The following ADCY8 variants were observed in gnomAD, a reference collection of about 807,000 sequenced individuals.
ADCY8 encodes the protein adenylate cyclase type 8.
In ADCY8, 51 loss-of-function variants were observed where a neutral mutation model predicts 119.7. That is an observed-to-expected ratio of 0.43 (90% CI 0.34 to 0.54). ADCY8 has a LOEUF of 0.54. ADCY8 is among the 20% of genes least tolerant of loss of function. The probability of loss-of-function intolerance (pLI) is 0.03; values close to 1 mark genes in which losing one functional copy is unlikely to be tolerated. For synonymous variants in ADCY8, 665 were observed against 651.0 expected, an observed-to-expected ratio of 1.02 and a Z score of -0.33; for missense variants, 1,383 against 1,598.8, an observed-to-expected ratio of 0.87 and a Z score of 2.30.
At chr8:130,819,787 G>T (rs955447114) in intron 13 of ADCY8, among the ~76,000 whole-genome samples, 2 of 152,196 alleles carry the variant, frequency 1.3e-5, no homozygotes, top group Non-Finnish European at 2.9e-5. Flanking sequence ...CCTAAAAACA[G>T]GAATTCTAGA....
At chr8:130,795,009 A>T (rs967984533) in intron 15 of ADCY8, among the ~76,000 whole-genome samples, 3 of 152,186 alleles carry the variant, frequency 2.0e-5, no homozygotes, top group Admixed American at 2.0e-4. Context: ...AGATCACCTA[A>T]GGTCAGGAGT....
intron 7 of ADCY8, among the ~76,000 whole-genome samples, chr8:130,890,875 T>C (rs1445821914): frequency 6.6e-6 from 1 of 152,192 alleles, no homozygotes; most frequent in Non-Finnish European, 1.5e-5. Context: ...ACAAGGCAGA[T>C]GTGGTAGTCT....
intron 4 of ADCY8, 111 bp downstream of exon 4, chr8:130,943,240 A>T: frequency 2.7e-6 from 2 of 738,514 alleles, no homozygotes; most frequent in South Asian, 1.7e-5. Flanking sequence ...TAGGGACAGG[A>T]TGCAGAATGG....
At chr8:130,811,344 A>T (rs188458097) in intron 14 of ADCY8, among the ~76,000 whole-genome samples, 187 of 152,234 alleles carry the variant, frequency 1.2e-3, no homozygotes, top group African/African-American at 4.2e-3. Context: ...CACAAACCCC[A>T]ATGCTTTTAG....
Position 130,903,977 on chromosome 8 carries a change from T to C in ADCY8, c.1706A>G (p.His569Arg). The C allele has an allele frequency of 6.2e-7, 1 of 1,614,162 alleles. No homozygotes were observed. Among genetic ancestry groups the C allele is most frequent in the South Asian group, 1.1e-5 (1 of 91,078 alleles). Residue 569 changes from histidine (H) to arginine (R), a missense_variant, in exon 7 of 18, where the codon CAT (histidine) becomes CGT (arginine). Coordinates refer to ENST00000286355, the MANE Select transcript of ADCY8 (RefSeq NM_001115.3). ...CAGGAATTCATTCCTCTCTTTACCA[T>C]GGCCCTCTTCCACGTTATAGTCACC... Reference protein sequence around the residue: ...LNGDYNVEEGHGKERNEFLRK... With the variant: ...LNGDYNVEEGRGKERNEFLRK...
At chr8:130,890,931 C>T (rs569941117) in intron 7 of ADCY8, among the ~76,000 whole-genome samples, 7 of 152,254 alleles carry the variant, frequency 4.6e-5, no homozygotes, top group African/African-American at 1.7e-4. Context: ...ACAGTGTGGG[C>T]CAACTCATTG....
At chr8:130,994,607 G>A (rs1380807182) in intron 1 of ADCY8, among the ~76,000 whole-genome samples, 1 of 152,152 alleles carries the variant, frequency 6.6e-6, no homozygotes, top group Non-Finnish European at 1.5e-5. Flanking sequence ...ATAAACAACT[G>A]TGAGGAATCA....
At chr8:130,981,066 G>A (rs902460126) in intron 2 of ADCY8, among the ~76,000 whole-genome samples, 4 of 152,018 alleles carry the variant, frequency 2.6e-5, no homozygotes, top group South Asian at 2.1e-4. Context: ...GCAAGCTTTC[G>A]TTTCTATGAA....
intron 1 of ADCY8, among the ~76,000 whole-genome samples, chr8:131,012,255 G>A (rs553550338): frequency 4.1e-4 from 62 of 152,292 alleles, no homozygotes; most frequent in Non-Finnish European, 8.1e-4. Flanking sequence ...GCCTGAGGAA[G>A]TCATGGTGAC....
chr8:130,785,313 A>G, intron 16 of ADCY8, 70 bp downstream of exon 16: 2 of 1,073,160 alleles, frequency 1.9e-6, no homozygotes, highest in Non-Finnish European at 2.7e-6. Flanking sequence ...CAGAGGCTTC[A>G]CCACCGTCGG....
At chr8:130,999,327 T>C (rs557293732) in intron 1 of ADCY8, among the ~76,000 whole-genome samples, 1 of 152,144 alleles carries the variant, frequency 6.6e-6, no homozygotes, top group Non-Finnish European at 1.5e-5. Flanking sequence ...CCTCCTCACT[T>C]TCCCCTTCTC....
chr8:130,960,078 G>A (rs1000505611), intron 2 of ADCY8, among the ~76,000 whole-genome samples: 5 of 152,138 alleles, frequency 3.3e-5, no homozygotes, highest in African/African-American at 1.2e-4. Flanking sequence ...TAATCATCCA[G>A]GCAGGAGGTG....
intron 4 of ADCY8, among the ~76,000 whole-genome samples, chr8:130,939,652 G>A (rs1820898510): frequency 6.6e-6 from 1 of 152,186 alleles, no homozygotes; most frequent in Admixed American, 6.5e-5. Flanking sequence ...CCTTGGATAA[G>A]ACACTGAAGC....
intron 15 of ADCY8, among the ~76,000 whole-genome samples, chr8:130,793,514 T>C (rs1268304828): frequency 1.3e-5 from 2 of 152,220 alleles, no homozygotes; most frequent in African/African-American, 2.4e-5. Flanking sequence ...TCACCCACAA[T>C]AGAGTATAAG....
chr8:130,935,396 G>C (rs1445917940), intron 5 of ADCY8: 1 of 152,138 alleles, frequency 6.6e-6, no homozygotes, highest in Non-Finnish European at 1.5e-5. Flanking sequence ...TTTGTCTCCT[G>C]CTCCTCAGAT....
intron 8 of ADCY8, among the ~76,000 whole-genome samples, chr8:130,881,845 A>C (rs1246188162): frequency 1.5e-5 from 2 of 135,294 alleles, no homozygotes; most frequent in African/African-American, 5.2e-5. Flanking sequence ...AAATTCTCTG[A>C]TAATTTTTTT....
Position 130,801,677 on chromosome 8 carries a change from G to C in ADCY8, c.2914-1105C>G, listed in dbSNP as rs111915036. Among the ~76,000 whole-genome samples, 350 of 152,072 alleles carry C rather than the reference G, an allele frequency of 2.3e-3. 3 individuals are homozygous for C. The highest frequency in any genetic ancestry group is 8.0e-3 in the African/African-American group (332 of 41,478). ...AGTTACCTTCACTGCCTATTCCCAC[G>C]CTCTTAATGCCCACTGGCATCTCAG... On this transcript the variant is annotated intron_variant, in intron 14 of 17. Transcript: ENST00000286355.
At chr8:130,923,659 A>G (rs1820380509) in intron 5 of ADCY8, among the ~76,000 whole-genome samples, 1 of 152,212 alleles carries the variant, frequency 6.6e-6, no homozygotes, top group South Asian at 2.1e-4. Context: ...ACTCCCCAAA[A>G]CAGACATAGA....
intron 8 of ADCY8, among the ~76,000 whole-genome samples, chr8:130,881,725 A>G (rs1040592681): frequency 3.3e-5 from 5 of 152,120 alleles, no homozygotes; most frequent in African/African-American, 1.2e-4. Context: ...TGAAATCAGC[A>G]TGCACCTTAT....
Sources: allele counts gnomAD v4.1 joint callset (sites outside exome capture counted in the v4.1 genomes callset), GRCh38; gene constraint gnomAD v4.1.1; transcripts MANE v1.5; gene names NCBI Gene and HGNC (gene_info 2026-07-23, HGNC 2026-07-21).